ZGRF1: variants seen among roughly 807,000 people sequenced by gnomAD.
The protein encoded by ZGRF1 is zinc finger GRF-type containing 1.
ZGRF1 carries 196 observed loss-of-function variants against 203.5 expected under a neutral mutation model. That is an observed-to-expected ratio of 0.96 (90% confidence interval 0.86 to 1.08). ZGRF1 has a LOEUF of 1.08. Ranked by LOEUF, ZGRF1 falls within the 50% of genes least tolerant of loss-of-function variation. The pLI is 0.00. For synonymous variants in ZGRF1, 809 were observed against 841.3 expected (o/e 0.96, Z 0.66); for missense variants, 2,326 against 2,416.3 (o/e 0.96, Z 0.78).
chr4:112,588,487 T>C (rs1747617627), intron 11 of ZGRF1, among the ~76,000 whole-genome samples: 1 of 152,204 alleles, frequency 6.6e-6, no homozygotes, highest in African/African-American at 2.4e-5. Flanking sequence ...AGATTTTAGC[T>C]TTATTTTGAT....
intron 23 of ZGRF1, 122 bp downstream of exon 23, chr4:112,548,131 G>A: frequency 1.3e-6 from 1 of 755,536 alleles, no homozygotes; most frequent in South Asian, 2.4e-5. Flanking sequence ...TGTAGAAATG[G>A]GGATTCGCCA....
intron 16 of ZGRF1, among the ~76,000 whole-genome samples, chr4:112,569,157 C>G (rs923967082): frequency 1.3e-5 from 2 of 152,068 alleles, no homozygotes; most frequent in Non-Finnish European, 2.9e-5. Context: ...GAACTTAGAA[C>G]CTAAAATTTT....
In ZGRF1 at chr4:112,617,904, G is replaced by C. The variant is rs1403510484; in HGVS notation, c.2138C>G (p.Pro713Arg). The stretch of plus-strand genomic sequence containing the variant: ...GTCTAAGTCACTTCCCAAAATAAAA[G>C]GCTGAGGTTGAGCATCTTCTGAAAA... ...NLFSEDAQPQPFILGSDLDKN... is the reference protein window; with the variant it reads ...NLFSEDAQPQRFILGSDLDKN... The change falls in exon 6 of 28, where the codon CCT becomes CGT. Residue 713 changes from proline to arginine, a missense_variant. Transcript: ENST00000505019. 1 of 1,613,846 alleles carries C rather than the reference G, an allele frequency of 6.2e-7. No homozygotes were observed. Among genetic ancestry groups the C allele is most frequent in the Non-Finnish European group, 8.5e-7 (1 of 1,179,920 alleles).
At chr4:112,550,318 TAAAAA>T (rs920881969) in intron 22 of ZGRF1, among the ~76,000 whole-genome samples, 47 of 148,072 alleles carry the variant, frequency 3.2e-4, no homozygotes, top group African/African-American at 1.0e-3. Context: ...TTTCAACAAT[TAAAAA>T]AAAAAGTTTT....
intron 8 of ZGRF1, 37 bp from the exon 9 acceptor site, chr4:112,606,128 G>T: frequency 2.4e-6 from 3 of 1,269,014 alleles, no homozygotes; most frequent in South Asian, 2.6e-5. Context: ...TAGTTAGCTA[G>T]AATAGTTTCA....
chr4:112,592,740 T>C (rs1748389314), intron 10 of ZGRF1, among the ~76,000 whole-genome samples: 1 of 152,244 alleles, frequency 6.6e-6, no homozygotes, highest in Non-Finnish European at 1.5e-5. Context: ...ACAGGTATTA[T>C]TTATTTATTC....
chr4:112,579,622 C>A lies in ZGRF1; in HGVS notation c.4438+2041G>T, dbSNP rs1205480179. Among the ~76,000 whole-genome samples, 5 of 121,176 alleles carry A rather than the reference C, an allele frequency of 4.1e-5. 2 individuals are homozygous for A. The highest frequency in any genetic ancestry group is 9.2e-5 in the Non-Finnish European group (5 of 54,480). The allele number at this position is 121,176 out of a possible 152,430, so 79.5% of individuals were successfully genotyped here. A position where few individuals can be genotyped will look rare whatever the true frequency, so the allele number is the denominator to read the frequency against. On this transcript the variant is annotated intron_variant, in intron 16 of 27. Coordinates refer to ENST00000505019, the MANE Select transcript of ZGRF1 (RefSeq NM_018392.5). ...CAAAAATCATAAGCATTCTTATACA[C>A]CAATAACAGACAAACAGAGAGCCAA...
chr4:112,561,130 G>T, intron 18 of ZGRF1, 135 bp from the exon 19 acceptor site: 1 of 677,478 alleles, frequency 1.5e-6, no homozygotes, highest in South Asian at 1.9e-5. Context: ...ACAGTAAGTG[G>T]ATATATACTG....
rs188507622 is a variant in ZGRF1, at chr4:112,614,483, G to C, written c.2603-1895C>G. ...CAATTATCTTTTTCATGGTTGCTTAGTGCCACATTTTTCATTTTTGTGCTA... is the reference window on the plus strand; with the variant it reads ...CAATTATCTTTTTCATGGTTGCTTACTGCCACATTTTTCATTTTTGTGCTA... On this transcript the variant is annotated intron_variant, in intron 6 of 27. Transcript: ENST00000505019. Among the ~76,000 whole-genome samples the C allele has an allele frequency of 3.7e-4, 56 of 152,282 alleles. 1 individual carries two copies. In the East Asian group the frequency reaches 6.8e-3, roughly 18 times the overall value.
At chr4:112,561,979 G>A (rs918023802) in intron 18 of ZGRF1, among the ~76,000 whole-genome samples, 22 of 133,002 alleles carry the variant, frequency 1.7e-4, no homozygotes, top group African/African-American at 2.3e-4. Context: ...AATGGCACCC[G>A]GCTCACCGCA....
intron 10 of ZGRF1, among the ~76,000 whole-genome samples, chr4:112,594,556 G>A (rs937446081): frequency 3.3e-5 from 5 of 151,248 alleles, no homozygotes; most frequent in South Asian, 4.2e-4. Flanking sequence ...AGGTTCAAGC[G>A]ATTCTCCTGC....
intron 3 of ZGRF1, among the ~76,000 whole-genome samples, chr4:112,624,780 T>C (rs1025021623): frequency 6.6e-6 from 1 of 152,168 alleles, no homozygotes; most frequent in Non-Finnish European, 1.5e-5. Flanking sequence ...TCCATCACTT[T>C]GGAAAACAGT....
rs1747383005 is a variant in ZGRF1, at chr4:112,587,456, GCA to G, written c.3599_3600del (p.Val1200AlafsTer17). On this transcript the variant is annotated frameshift_variant, in exon 12 of 28. Coordinates refer to ENST00000505019, the MANE Select transcript of ZGRF1 (RefSeq NM_018392.5). LOFTEE classifies it high-confidence loss of function. ...DAVNESSLDSVHLQMIKGMLY... is the reference protein window; with the variant it reads ...DAVNESSLDSXHLQMIKGMLY... ...AGCATGCCTTTTATCATTTGCAAATGCACAGAGTCTAAAGAGCTTTCATTGAC... is the reference window on the plus strand; with the variant it reads ...AGCATGCCTTTTATCATTTGCAAATGCAGAGTCTAAAGAGCTTTCATTGAC... 4 of 1,613,916 alleles carry G rather than the reference GCA, an allele frequency of 2.5e-6. No homozygotes were observed. The highest frequency in any genetic ancestry group is 2.2e-5 in the East Asian group (1 of 44,874).
At chr4:112,546,174 T>C (rs1029762733) in intron 24 of ZGRF1, among the ~76,000 whole-genome samples, 2 of 151,966 alleles carry the variant, frequency 1.3e-5, no homozygotes, top group African/African-American at 4.8e-5. Flanking sequence ...TATTGTATGA[T>C]TCCATTTATA....
intron 16 of ZGRF1, chr4:112,565,218 G>A (rs1267586929): frequency 1.3e-6 from 2 of 1,590,844 alleles, no homozygotes; most frequent in Middle Eastern, 1.8e-4. Flanking sequence ...AAATTGCTCA[G>A]GACTTTAAAA....
At chr4:112,560,401 G>A (rs1459413359) in intron 19 of ZGRF1, among the ~76,000 whole-genome samples, 1 of 152,192 alleles carries the variant, frequency 6.6e-6, no homozygotes, top group Non-Finnish European at 1.5e-5. Context: ...ATAAAGGATA[G>A]AAGAGTGAGC....
chr4:112,571,102 C>CAA lies in ZGRF1; in HGVS notation c.4439-7830_4439-7829dup, dbSNP rs11423362. ...TGGGCAACAGAGCCAGACTGCATTT[C>CAA]AAAAAAAAAAAAAAAGAGTGGTACT... On this transcript the variant is annotated intron_variant, in intron 16 of 27. Transcript: ENST00000505019. Among the ~76,000 whole-genome samples the CAA allele has an allele frequency of 8.1e-4, 98 of 121,678 alleles. 1 individual carries two copies. The highest frequency in any genetic ancestry group is 2.5e-3 in the Admixed American group (31 of 12,208). The allele number at this position is 121,678 out of a possible 152,430, so 79.8% of individuals were successfully genotyped here.
At chr4:112,632,833 C>T (rs931516957) in intron 2 of ZGRF1, among the ~76,000 whole-genome samples, 6 of 152,192 alleles carry the variant, frequency 3.9e-5, no homozygotes, top group African/African-American at 1.2e-4. Flanking sequence ...TTCCCGGTCT[C>T]ACACTTTCAA....
intron 4 of ZGRF1, among the ~76,000 whole-genome samples, chr4:112,622,237 G>A (rs1209789598): frequency 6.6e-6 from 1 of 151,684 alleles, no homozygotes; most frequent in African/African-American, 2.4e-5. Context: ...CACTGTACTA[G>A]ACTATGTGCG....
Sources: allele counts gnomAD v4.1 joint callset (sites outside exome capture counted in the v4.1 genomes callset), GRCh38; gene constraint gnomAD v4.1.1; transcripts MANE v1.5; gene names NCBI Gene and HGNC (gene_info 2026-07-23, HGNC 2026-07-21).